Variants in RNF19A observed in about 807,000 individuals in gnomAD.
The protein encoded by RNF19A is ring finger protein 19A, RBR E3 ubiquitin protein ligase.
Under a neutral mutation model 75.7 loss-of-function variants are expected in RNF19A, and 32 were observed. That is an observed-to-expected ratio of 0.42 (90% CI 0.32 to 0.57). RNF19A has a LOEUF of 0.57. RNF19A is among the 20% of genes least tolerant of loss of function. The pLI is 0.10. For synonymous variants in RNF19A, 335 were observed against 345.2 expected (o/e 0.97, Z 0.33); for missense variants, 782 against 1,036.3 (o/e 0.75, Z 3.37).
At position 100,269,160 on chromosome 8, in the gene RNF19A, AT is replaced by A. The variant is rs1820136163; in HGVS notation, c.1029-214del. On this transcript the variant is annotated intron_variant, in intron 4 of 9. Coordinates refer to ENST00000341084, the MANE Select transcript of RNF19A (RefSeq NM_183419.4). This position sits in a 1 kb window ranked among gnomAD's most constrained non-coding sequence, Gnocchi z 5.7. ...ATCTTATTTTATATTATATTTTATTATTTAATCTATATTATATTAACAAGAT... is the reference window on the plus strand; with the variant it reads ...ATCTTATTTTATATTATATTTTATTATTAATCTATATTATATTAACAAGAT... 6.7e-6 allele frequency among the ~76,000 whole-genome samples: 1 copy of A among 150,308 alleles called. No homozygotes were observed. Among genetic ancestry groups the A allele is most frequent in the African/African-American group, 2.4e-5 (1 of 41,158 alleles).
intron 2 of RNF19A, among the ~76,000 whole-genome samples, chr8:100,281,598 G>A (rs1375519470): frequency 1.3e-5 from 2 of 152,078 alleles, no homozygotes; most frequent in Admixed American, 1.3e-4. Flanking sequence ...GTAATCCTAA[G>A]AAAGACATGA....
chr8:100,277,965 G>T lies in RNF19A; in HGVS notation c.675-2804C>A, dbSNP rs967982121. ...AGAATGGGGAAATCTGTGTATGCAGGAGACAATGCCAAAACTGTTTTCTGA... is the reference window on the plus strand; with the variant it reads ...AGAATGGGGAAATCTGTGTATGCAGTAGACAATGCCAAAACTGTTTTCTGA... On this transcript the variant is annotated intron_variant, in intron 2 of 9. Transcript: ENST00000341084. 1.9e-4 allele frequency among the ~76,000 whole-genome samples: 29 copies of T among 152,174 alleles called. 2 individuals carry two copies. The highest frequency in any genetic ancestry group is 1.9e-3 in the Admixed American group (29 of 15,278).
chr8:100,268,884 T>C lies in RNF19A; in HGVS notation c.1092A>G (p.Gln364=), dbSNP rs766174070. 3.7e-6 allele frequency: 6 copies of C among 1,605,938 alleles called. No individual in the cohort carries two copies. The highest frequency in any genetic ancestry group is 2.7e-5 in the African/African-American group (2 of 74,584). The change falls in exon 5 of 10, where the codon CAA becomes CAG. Residue 364 remains glutamine, a synonymous_variant. Transcript: ENST00000341084. ...CAGGAGCACCAACCAGTGTTCCCAG[T>C]TGCCACAATATTTTCTTCTTTCGGC... is the stretch of plus-strand genomic sequence containing the variant. ...PWSRKKKILW[Q]LGTLVGAPVG... is the part of the protein sequence containing the mutation.
At chr8:100,286,135 T>C (rs2129910131) in intron 2 of RNF19A, among the ~76,000 whole-genome samples, 1 of 152,332 alleles carries the variant, frequency 6.6e-6, no homozygotes, top group East Asian at 1.9e-4. Context: ...CAATCGCATC[T>C]AAGCTGTTTT....
chr8:100,259,299 A>G lies in RNF19A; in HGVS notation c.1827-53T>C, dbSNP rs1392546553. ...CATAATTGCTGACTTCTTTTTGTTC[A>G]GATGACTGGGGGAAGGGTTTCTATG... On this transcript the variant is annotated intron_variant, in intron 9 of 9. Coordinates refer to ENST00000341084, the MANE Select transcript of RNF19A (RefSeq NM_183419.4). This position sits in a 1 kb window ranked among gnomAD's most constrained non-coding sequence, Gnocchi z 4.5. 15 of 1,441,548 alleles carry G rather than the reference A, an allele frequency of 1.0e-5. No individual in the cohort carries two copies. Among genetic ancestry groups the G allele is most frequent in the African/African-American group, 1.4e-5 (1 of 71,210 alleles). The allele number at this position is 1,441,548 out of a possible 1,614,324, so 89.3% of individuals were successfully genotyped here.
At chr8:100,307,512 A>C (rs28461614) in intron 1 of RNF19A, among the ~76,000 whole-genome samples, 8,808 of 151,992 alleles carry the variant, frequency 0.058, 849 homozygotes, top group African/African-American at 0.2. Flanking sequence ...TTCTATATAA[A>C]TCTAAATAAG....
chr8:100,258,559 A>T lies in RNF19A; in HGVS notation c.2514T>A (p.Ile838=), dbSNP rs1439275752. The T allele has an allele frequency of 6.2e-7, 1 of 1,605,310 alleles. No individual in the cohort carries two copies. Among genetic ancestry groups the T allele is most frequent in the Non-Finnish European group, 8.5e-7 (1 of 1,175,240 alleles). The stretch of plus-strand genomic sequence containing the variant: ...TTATTCTGCAGCATTTATGGGCCTA[A>T]ATTTCAGTCTGAATTGCAACTTTTA... The part of the protein sequence containing the change: ...MELKVAIQTE[I] Residue 838 remains isoleucine, a synonymous_variant, in exon 10 of 10, where the codon ATT becomes ATA. Transcript: ENST00000341084. The surrounding 1 kb of genome is among the most constrained non-coding windows in gnomAD (Gnocchi z 4.3).
chr8:100,261,680 A>C lies in RNF19A; in HGVS notation c.1544T>G (p.Leu515Trp). ...EGSVGGLTGS[L>W]SASGSHMDRI... is the part of the protein sequence containing the mutation. Reference sequence around the variant, plus strand: ...ATCCATGTGGCTTCCACTTGCACTCAAACTGCCAGTCAGCCCACCAACACT... The same window carrying C: ...ATCCATGTGGCTTCCACTTGCACTCCAACTGCCAGTCAGCCCACCAACACT... The change falls in exon 8 of 10, where the codon TTG becomes TGG. Residue 515 changes from leucine (L) to tryptophan (W), a missense_variant. Transcript: ENST00000341084. This position sits in a 1 kb window ranked among gnomAD's most constrained non-coding sequence, Gnocchi z 4.4. 6.2e-7 allele frequency: 1 copy of C among 1,614,068 alleles called. No homozygotes were observed. The highest frequency in any genetic ancestry group is 8.5e-7 in the Non-Finnish European group (1 of 1,179,998).
In RNF19A at chr8:100,332,696, T is replaced by A. The variant is rs1337697257; in HGVS notation, c.-243+3412A>T. ...TTAAACATTTTGGTCTTTGCAAATT[T>A]GTTAAAATGTTATCTCATTTTCATT... On this transcript the variant is annotated intron_variant, in intron 1 of 3. Transcript: ENST00000519527. This position sits in a 1 kb window ranked among gnomAD's most constrained non-coding sequence, Gnocchi z 4.8. Among the ~76,000 whole-genome samples, 1 of 152,256 alleles carries A rather than the reference T, an allele frequency of 6.6e-6. No individual in the cohort carries two copies. Among genetic ancestry groups the A allele is most frequent in the Non-Finnish European group, 1.5e-5 (1 of 68,042 alleles).
intron 2 of RNF19A, among the ~76,000 whole-genome samples, chr8:100,277,204 A>G (rs902163847): frequency 1.3e-5 from 2 of 152,226 alleles, no homozygotes; most frequent in Non-Finnish European, 2.9e-5. Flanking sequence ...AATTTAAGTA[A>G]TAATTGTAAC....
chr8:100,294,024 T>A (rs985892351), intron 1 of RNF19A, among the ~76,000 whole-genome samples: 2 of 152,228 alleles, frequency 1.3e-5, no homozygotes, highest in Non-Finnish European at 2.9e-5. Flanking sequence ...TTTAAGTCCT[T>A]AAAAACTGCA....
At chr8:100,271,741 G>A (rs1004195865) in intron 3 of RNF19A, among the ~76,000 whole-genome samples, 26 of 152,050 alleles carry the variant, frequency 1.7e-4, no homozygotes, top group African/African-American at 6.3e-4. Flanking sequence ...TCTATGAAAG[G>A]CTGTTTAGTT....
Position 100,258,150 on chromosome 8 carries a change from T to C in RNF19A, c.*406A>G, listed in dbSNP as rs1819539504. The C allele has an allele frequency of 2.5e-6, 1 of 407,110 alleles. No individual in the cohort carries two copies. 25.2% of individuals were successfully genotyped at this position (407,110 alleles called of 1,614,324 possible). On this transcript the variant is annotated 3_prime_UTR_variant, in exon 10 of 10. Transcript: ENST00000341084. The surrounding 1 kb of genome is among the most constrained non-coding windows in gnomAD (Gnocchi z 4.3). ...TGCAGTTCTTTTAAACTTATCTCTT[T>C]AGTGGTTTCAATAAAATATCACTAA... is the stretch of plus-strand genomic sequence containing the variant.
Position 100,275,256 on chromosome 8 carries a change from T to C in RNF19A, c.675-95A>G. 1 of 1,067,448 alleles carries C rather than the reference T, an allele frequency of 9.4e-7. No homozygotes were observed. The highest frequency in any genetic ancestry group is 1.4e-6 in the Non-Finnish European group (1 of 725,686). The allele number at this position is 1,067,448 out of a possible 1,614,324, so 66.1% of individuals were successfully genotyped here. On this transcript the variant is annotated intron_variant, in intron 2 of 9. Transcript: ENST00000341084. The surrounding 1 kb of genome is among the most constrained non-coding windows in gnomAD (Gnocchi z 4.3). The stretch of plus-strand genomic sequence containing the variant: ...AACTAAAGATTATTCCTGAAAAACA[T>C]TTTCTATTTATACATTAGCAAACAG...
chr8:100,313,234 T>C (rs1391485544), upstream of RNF19A: 1 of 728,192 alleles, frequency 1.4e-6, no homozygotes, highest in African/African-American at 1.9e-5. Context: ...TGCATGGTGC[T>C]TACATTGGGG....
chr8:100,308,879 C>T (rs536525528), intron 1 of RNF19A, among the ~76,000 whole-genome samples: 25 of 152,362 alleles, frequency 1.6e-4, no homozygotes, highest in African/African-American at 5.3e-4. Flanking sequence ...TTCTGCAACA[C>T]TGTGGACAGT....
At chr8:100,307,733 T>G (rs182380901) in intron 1 of RNF19A, among the ~76,000 whole-genome samples, 2 of 152,288 alleles carry the variant, frequency 1.3e-5, no homozygotes, top group Admixed American at 1.3e-4. Flanking sequence ...TCTTACATCC[T>G]CAACTGCAAA....
intron 2 of RNF19A, among the ~76,000 whole-genome samples, chr8:100,280,091 TAAAAG>T (rs1378952718): frequency 6.6e-6 from 1 of 152,192 alleles, no homozygotes; most frequent in East Asian, 1.9e-4. Flanking sequence ...AAGCTGAAGT[TAAAAG>T]AAATACAGTG....
At chr8:100,302,059 C>A (rs1315733283) in intron 1 of RNF19A, among the ~76,000 whole-genome samples, 1 of 152,200 alleles carries the variant, frequency 6.6e-6, no homozygotes, top group African/African-American at 2.4e-5. Context: ...AAGGCAAAGA[C>A]TATCTGAGAT....
Sources: allele counts gnomAD v4.1 joint callset (sites outside exome capture counted in the v4.1 genomes callset), GRCh38; gene constraint gnomAD v4.1.1; non-coding constraint Gnocchi (gnomAD v3.1); transcripts MANE v1.5; gene names NCBI Gene and HGNC (gene_info 2026-07-23, HGNC 2026-07-21).